The following CCDC6 variants were observed in gnomAD, a reference collection of about 807,000 sequenced individuals.
CCDC6 encodes the protein coiled-coil domain containing 6.
A neutral mutation model predicts 56.6 loss-of-function variants in CCDC6; 20 were observed. That is an observed-to-expected ratio of 0.35 (90% CI 0.25 to 0.51). CCDC6 has a LOEUF of 0.51. Ranked by LOEUF, CCDC6 falls within the 20% of genes least tolerant of loss-of-function variation. CCDC6 has a pLI of 0.95. For synonymous variants in CCDC6, 241 were observed against 234.4 expected, an observed-to-expected ratio of 1.03 and a Z score of -0.26; for missense variants, 367 against 601.1, an observed-to-expected ratio of 0.61 and a Z score of 4.07.
chr10:59,894,200 G>A (rs1211760515), intron 1 of CCDC6, among the ~76,000 whole-genome samples: 1 of 152,166 alleles, frequency 6.6e-6, no homozygotes, highest in African/African-American at 2.4e-5. Flanking sequence ...TTTCCAAGAG[G>A]CAGAAATGCT....
At chr10:59,899,271 A>C (rs1266583948) in intron 1 of CCDC6, among the ~76,000 whole-genome samples, 1 of 152,202 alleles carries the variant, frequency 6.6e-6, no homozygotes, top group African/African-American at 2.4e-5. Flanking sequence ...AATTCAATAT[A>C]CCTGAAAACA....
At chr10:59,827,266 A>C (rs1034556361) in intron 3 of CCDC6, among the ~76,000 whole-genome samples, 1 of 152,254 alleles carries the variant, frequency 6.6e-6, no homozygotes, top group Non-Finnish European at 1.5e-5. Context: ...TTTATGACCT[A>C]CATTTTAATA....
intron 5 of CCDC6, 68 bp from the exon 6 acceptor site, chr10:59,807,146 A>G: frequency 7.0e-7 from 1 of 1,423,104 alleles, no homozygotes; most frequent in Non-Finnish European, 9.8e-7. Context: ...AAAAAAGGAG[A>G]CTTCAGTTCA....
At chr10:59,901,470 G>C (rs1197811971) in intron 1 of CCDC6, among the ~76,000 whole-genome samples, 2 of 152,140 alleles carry the variant, frequency 1.3e-5, no homozygotes, top group African/African-American at 4.8e-5. Context: ...TTACACTGTT[G>C]ATGTTTAAAA....
chr10:59,850,905 T>C (rs2071033301), intron 2 of CCDC6, among the ~76,000 whole-genome samples: 1 of 152,160 alleles, frequency 6.6e-6, no homozygotes, highest in Admixed American at 6.5e-5. Context: ...TTTTTATGTT[T>C]TCATTCTTAT....
At chr10:59,903,043 G>A (rs1006110693) in intron 1 of CCDC6, among the ~76,000 whole-genome samples, 6 of 152,144 alleles carry the variant, frequency 3.9e-5, no homozygotes, top group Admixed American at 1.3e-4. Flanking sequence ...AAACTTAAAT[G>A]CATTTACTAA....
intron 1 of CCDC6, among the ~76,000 whole-genome samples, chr10:59,874,922 G>A (rs2071265256): frequency 6.6e-6 from 1 of 152,110 alleles, no homozygotes; most frequent in Non-Finnish European, 1.5e-5. Flanking sequence ...GACCCATATT[G>A]GACTTCTAAC....
intron 1 of CCDC6, among the ~76,000 whole-genome samples, chr10:59,871,323 G>A (rs545796317): frequency 3.3e-5 from 5 of 151,924 alleles, no homozygotes; most frequent in South Asian, 2.1e-4. Context: ...TTGTATATAC[G>A]AAGCACTCAA....
At chr10:59,887,440 AT>A (rs2071390531) in intron 1 of CCDC6, among the ~76,000 whole-genome samples, 1 of 151,884 alleles carries the variant, frequency 6.6e-6, no homozygotes, top group Admixed American at 6.6e-5. Context: ...TAAATGCACA[AT>A]GGTAAGAGAT....
At chr10:59,884,612 C>A (rs1199647156) in intron 1 of CCDC6, among the ~76,000 whole-genome samples, 2 of 151,592 alleles carry the variant, frequency 1.3e-5, no homozygotes, top group Non-Finnish European at 2.9e-5. Flanking sequence ...ATTCTATACC[C>A]AGTGCTGGGG....
At chr10:59,899,117 G>T (rs1422083221) in intron 1 of CCDC6, among the ~76,000 whole-genome samples, 2 of 152,146 alleles carry the variant, frequency 1.3e-5, no homozygotes. Flanking sequence ...GGAGAAGTAG[G>T]AAGAATCTGC....
At chr10:59,855,213 C>T (rs370616184) in intron 1 of CCDC6, among the ~76,000 whole-genome samples, 23 of 152,156 alleles carry the variant, frequency 1.5e-4, no homozygotes, top group African/African-American at 5.1e-4. Context: ...CATCTAGCTA[C>T]TAAGTCATAG....
intron 1 of CCDC6, among the ~76,000 whole-genome samples, chr10:59,886,222 G>C (rs955112737): frequency 6.6e-6 from 1 of 152,128 alleles, no homozygotes; most frequent in African/African-American, 2.4e-5. Flanking sequence ...GACCAGGATA[G>C]AAAAATAATG....
intron 6 of CCDC6, chr10:59,805,006 T>G (rs1210590364): frequency 1.2e-5 from 2 of 160,904 alleles, no homozygotes; most frequent in Non-Finnish European, 2.7e-5. Context: ...AAGCAAGCCC[T>G]GCTTAACAGA....
At chr10:59,870,596 C>T (rs1384834981) in intron 1 of CCDC6, among the ~76,000 whole-genome samples, 3 of 152,156 alleles carry the variant, frequency 2.0e-5, no homozygotes, top group Non-Finnish European at 4.4e-5. Flanking sequence ...TAGAGGACCA[C>T]CCAGCTAGAT....
At chr10:59,835,866 T>C (rs765055301) in intron 2 of CCDC6, among the ~76,000 whole-genome samples, 2 of 151,958 alleles carry the variant, frequency 1.3e-5, no homozygotes, top group Non-Finnish European at 2.9e-5. Context: ...GCGACCAGCC[T>C]AGGCAACAGA....
At chr10:59,802,347 T>A (rs955220344) in intron 7 of CCDC6, among the ~76,000 whole-genome samples, 2 of 152,202 alleles carry the variant, frequency 1.3e-5, no homozygotes, top group African/African-American at 4.8e-5. Flanking sequence ...ATGTTTAAAA[T>A]GGAAATGAAT....
chr10:59,906,068 C>A (rs1369406966), intron 1 of CCDC6, 54 bp downstream of exon 1: 1 of 1,477,732 alleles, frequency 6.8e-7, no homozygotes, highest in Non-Finnish European at 9.2e-7. Context: ...GGGTGCAGCC[C>A]CTCCCGGGGC....
In CCDC6 at chr10:59,791,324, C is replaced by G. The variant is rs1480638428; in HGVS notation, c.*1593G>C. 5.0e-6 allele frequency: 1 copy of G among 200,434 alleles called. No homozygotes were observed. The highest frequency in any genetic ancestry group is 2.3e-5 in the African/African-American group (1 of 43,478). 12.4% of individuals were successfully genotyped at this position (200,434 alleles called of 1,614,324 possible). On this transcript the variant is annotated 3_prime_UTR_variant, in exon 9 of 9. Coordinates refer to ENST00000263102, the MANE Select transcript of CCDC6 (RefSeq NM_005436.5). The stretch of plus-strand genomic sequence containing the variant: ...TTATTGTTGCTTTTACTCTCAAGTT[C>G]TTAAAACGCTAGTCAAACACTATTA...
Sources: allele counts gnomAD v4.1 joint callset (sites outside exome capture counted in the v4.1 genomes callset), GRCh38; gene constraint gnomAD v4.1.1; transcripts MANE v1.5; gene names NCBI Gene and HGNC (gene_info 2026-07-23, HGNC 2026-07-21).